Variants in GALNTL6 observed in about 807,000 individuals in gnomAD.
GALNTL6 encodes the protein polypeptide N-acetylgalactosaminyltransferase like 6, also known as polypeptide N-acetylgalactosaminyltransferase-like 6.
In GALNTL6, 46 loss-of-function variants were observed where a neutral mutation model predicts 73.7. That is an observed-to-expected ratio of 0.62 (90% CI 0.49 to 0.80). The LOEUF is 0.80. GALNTL6 is among the 30% of genes least tolerant of loss of function. The pLI, the probability that GALNTL6 is intolerant of heterozygous loss-of-function variation, is 0.00. For synonymous variants in GALNTL6, 259 were observed against 263.7 expected (o/e 0.98, Z 0.17); for missense variants, 604 against 755.0 (o/e 0.80, Z 2.34).
chr4:171,847,186 C>G (rs916394820), intron 2 of GALNTL6, among the ~76,000 whole-genome samples: 34 of 151,886 alleles, frequency 2.2e-4, no homozygotes, highest in African/African-American at 8.2e-4. Flanking sequence ...TTCCAGAAGA[C>G]TACAATAAAG....
At chr4:172,059,429 TG>T (rs1424901017) in intron 2 of GALNTL6, among the ~76,000 whole-genome samples, 1 of 152,152 alleles carries the variant, frequency 6.6e-6, no homozygotes, top group Non-Finnish European at 1.5e-5. Flanking sequence ...AAATGGTCGA[TG>T]GAATCTCAAA....
intron 2 of GALNTL6, among the ~76,000 whole-genome samples, chr4:172,177,530 A>G (rs1000461318): frequency 6.6e-6 from 1 of 152,076 alleles, no homozygotes; most frequent in African/African-American, 2.4e-5. Context: ...TTATTTGAAC[A>G]GAATGAGAAT....
chr4:172,886,404 T>C (rs991751799), intron 8 of GALNTL6, among the ~76,000 whole-genome samples: 1 of 152,130 alleles, frequency 6.6e-6, no homozygotes, highest in Non-Finnish European at 1.5e-5. Context: ...TCATTTCTGA[T>C]TTTATTTATT....
intron 2 of GALNTL6, among the ~76,000 whole-genome samples, chr4:172,065,081 T>C (rs994495987): frequency 1.4e-4 from 22 of 152,108 alleles, no homozygotes; most frequent in African/African-American, 5.1e-4. Context: ...GAGTTGGTGT[T>C]ATTTTTAGTC....
chr4:172,442,745 T>G (rs143094591), intron 5 of GALNTL6, among the ~76,000 whole-genome samples: 1 of 152,292 alleles, frequency 6.6e-6, no homozygotes, highest in Non-Finnish European at 1.5e-5. Flanking sequence ...GCACTGCACT[T>G]GTTACTTGGA....
intron 5 of GALNTL6, among the ~76,000 whole-genome samples, chr4:172,675,731 C>T: frequency 6.6e-6 from 1 of 152,212 alleles, no homozygotes; most frequent in Non-Finnish European, 1.5e-5. Context: ...TTTTATTCAA[C>T]AAATACTTAC....
intron 5 of GALNTL6, among the ~76,000 whole-genome samples, chr4:172,562,537 G>A (rs1447430269): frequency 6.6e-6 from 1 of 152,174 alleles, no homozygotes; most frequent in African/African-American, 2.4e-5. Context: ...GAGATGTGGT[G>A]TTGTCCCTCA....
chr4:171,853,680 G>A (rs1414304971), intron 2 of GALNTL6, among the ~76,000 whole-genome samples: 1 of 127,970 alleles, frequency 7.8e-6, no homozygotes, highest in East Asian at 2.4e-4. Flanking sequence ...GTGCGATCTT[G>A]GCTCACTGCA....
At chr4:172,526,648 C>G (rs1290867710) in intron 5 of GALNTL6, among the ~76,000 whole-genome samples, 1 of 152,150 alleles carries the variant, frequency 6.6e-6, no homozygotes, top group Non-Finnish European at 1.5e-5. Context: ...TCCACACGAT[C>G]ATATGGTGAG....
intron 3 of GALNTL6, among the ~76,000 whole-genome samples, chr4:172,239,605 G>T (rs576725367): frequency 4.6e-5 from 7 of 151,592 alleles, no homozygotes; most frequent in African/African-American, 1.7e-4. Context: ...TCCGATTTTG[G>T]TTATTTCTTG....
At chr4:172,731,045 A>G (rs1736117462) in intron 5 of GALNTL6, among the ~76,000 whole-genome samples, 1 of 149,862 alleles carries the variant, frequency 6.7e-6, no homozygotes. Flanking sequence ...GCACCACTGC[A>G]CTCCAGCCTG....
At chr4:172,506,490 A>G (rs183293380) in intron 5 of GALNTL6, among the ~76,000 whole-genome samples, 1 of 54,722 alleles carries the variant, frequency 1.8e-5, no homozygotes, top group African/African-American at 4.6e-5. Context: ...GCACTACCAC[A>G]TAGGAACCTG....
At chr4:172,931,905 A>C (rs955360097) in intron 9 of GALNTL6, among the ~76,000 whole-genome samples, 2 of 152,196 alleles carry the variant, frequency 1.3e-5, no homozygotes, top group Non-Finnish European at 2.9e-5. Flanking sequence ...GTTTAGGAGA[A>C]CGGACTCACA....
At chr4:172,230,404 G>A (rs1003288721) in intron 3 of GALNTL6, among the ~76,000 whole-genome samples, 4 of 151,988 alleles carry the variant, frequency 2.6e-5, no homozygotes, top group Non-Finnish European at 5.9e-5. Flanking sequence ...TGGCTAACGC[G>A]TTGAAACCCC....
intron 5 of GALNTL6, among the ~76,000 whole-genome samples, chr4:172,705,623 T>C (rs1734303768): frequency 6.6e-6 from 1 of 152,044 alleles, no homozygotes; most frequent in East Asian, 1.9e-4. Context: ...TGTATGTTGG[T>C]ATCCTTTTTT....
chr4:172,281,390 A>G (rs1047611121), intron 3 of GALNTL6, among the ~76,000 whole-genome samples: 1 of 151,678 alleles, frequency 6.6e-6, no homozygotes. Context: ...TTGACTTCCT[A>G]TTTCTCTTAT....
intron 5 of GALNTL6, among the ~76,000 whole-genome samples, chr4:172,422,733 A>G (rs1731095458): frequency 1.3e-5 from 2 of 151,882 alleles, no homozygotes; most frequent in Non-Finnish European, 2.9e-5. Context: ...CAAACTCAAC[A>G]TATCCAAAAC....
At chr4:172,552,551 C>T (rs570740950) in intron 5 of GALNTL6, among the ~76,000 whole-genome samples, 1 of 152,012 alleles carries the variant, frequency 6.6e-6, no homozygotes, top group South Asian at 2.1e-4. Context: ...GTCCAAATTT[C>T]GTGATTGTTT....
At chr4:172,486,394 A>T (rs1317826153) in intron 5 of GALNTL6, among the ~76,000 whole-genome samples, 1 of 152,200 alleles carries the variant, frequency 6.6e-6, no homozygotes, top group Non-Finnish European at 1.5e-5. Context: ...CTATGTGGAA[A>T]CTGTTGGCTG....
Sources: allele counts gnomAD v4.1 joint callset (sites outside exome capture counted in the v4.1 genomes callset), GRCh38; gene constraint gnomAD v4.1.1; transcripts MANE v1.5; gene names NCBI Gene and HGNC (gene_info 2026-07-23, HGNC 2026-07-21).